Variants in ALDH9A1 observed in about 807,000 individuals in gnomAD.
The protein encoded by ALDH9A1 is aldehyde dehydrogenase 9 family member A1.
Under a neutral mutation model 56.6 loss-of-function variants are expected in ALDH9A1, and 42 were observed. That is an observed-to-expected ratio of 0.74 (90% CI 0.58 to 0.96). ALDH9A1 has a LOEUF of 0.96. ALDH9A1 is among the 40% of genes least tolerant of loss of function. ALDH9A1 has a pLI of 0.00. For missense variants in ALDH9A1, 661 were observed against 651.5 expected, an observed-to-expected ratio of 1.01 and a Z score of -0.16; for synonymous variants, 242 against 236.0, an observed-to-expected ratio of 1.03 and a Z score of -0.23.
chr1:165,663,763 A>T (rs1162488125), intron 10 of ALDH9A1, among the ~76,000 whole-genome samples: 1 of 152,212 alleles, frequency 6.6e-6, no homozygotes, highest in Admixed American at 6.5e-5. Context: ...GAGGTCCCAA[A>T]TATGTGCATT....
intron 4 of ALDH9A1, 123 bp downstream of exon 4, chr1:165,681,984 C>T (rs966127564): frequency 1.6e-5 from 21 of 1,336,642 alleles, no homozygotes; most frequent in Non-Finnish European, 2.1e-5. Flanking sequence ...TTTGAATATC[C>T]CAGAGCAGGC....
In ALDH9A1 at chr1:165,695,384, A is replaced by G; in HGVS notation, c.195T>C (p.Ala65=). The G allele has an allele frequency of 2.5e-6, 4 of 1,610,362 alleles. No individual in the cohort carries two copies. Among genetic ancestry groups the G allele is most frequent in the South Asian group, 1.1e-5 (1 of 90,304 alleles). ...CCTTTTCTCCTGAACATGTGAAAGTAGCTATCACTCGGCCTATAAAGAGCG... is the reference window on the plus strand; with the variant it reads ...CCTTTTCTCCTGAACATGTGAAAGTGGCTATCACTCGGCCTATAAAGAGCG... ...AFEPATGRVI[A]TFTCSGEKEV... is the part of the protein sequence containing the mutation. Residue 65 remains alanine (A), a synonymous_variant, in exon 2 of 11, where the codon GCT becomes GCC. Coordinates refer to ENST00000354775, the MANE Select transcript of ALDH9A1 (RefSeq NM_000696.4).
At chr1:165,683,374 C>T (rs192482394) in intron 2 of ALDH9A1, among the ~76,000 whole-genome samples, 208 of 152,232 alleles carry the variant, frequency 1.4e-3, no homozygotes, top group Admixed American at 2.5e-3. Context: ...GGGGCAAGAC[C>T]GGGCAGGAAT....
At position 165,695,250 on chromosome 1, in the gene ALDH9A1, A is replaced by G. The variant is rs1191958748; in HGVS notation, c.327+2T>C. 6.2e-7 allele frequency: 1 copy of G among 1,602,592 alleles called. No individual in the cohort carries two copies. Among genetic ancestry groups the G allele is most frequent in the Non-Finnish European group, 8.5e-7 (1 of 1,175,950 alleles). ...TCTGGAAGGAAATAAATTGGAACAT[A>G]CCCTTATTATCCTGGCAGCCTCCAA... On this transcript the variant is annotated splice_donor_variant, in intron 2 of 10. Transcript: ENST00000354775. LOFTEE classifies it high-confidence loss of function.
intron 1 of ALDH9A1, 189 bp downstream of exon 1, chr1:165,698,189 C>T (rs556314126): frequency 7.4e-7 from 1 of 1,356,170 alleles, no homozygotes; most frequent in Non-Finnish European, 9.4e-7. Context: ...TTCCTCCCTA[C>T]CCATCCCTGC....
At chr1:165,690,788 G>A (rs539310191) in intron 2 of ALDH9A1, among the ~76,000 whole-genome samples, 48 of 152,306 alleles carry the variant, frequency 3.2e-4, no homozygotes, top group African/African-American at 7.2e-4. Context: ...ATGGAACTGC[G>A]AAGGTGGCAG....
At chr1:165,668,688 T>C (rs1649081043) in intron 8 of ALDH9A1, 2 of 352,878 alleles carry the variant, frequency 5.7e-6, no homozygotes, top group African/African-American at 2.1e-5. Context: ...TTTGAGCTCC[T>C]TGCTTCCAGA....
intron 2 of ALDH9A1, among the ~76,000 whole-genome samples, chr1:165,690,960 G>C (rs1649869276): frequency 6.6e-6 from 1 of 152,206 alleles, no homozygotes; most frequent in African/African-American, 2.4e-5. Context: ...AAAGGCAGCG[G>C]AAACTTCTGC....
intron 2 of ALDH9A1, among the ~76,000 whole-genome samples, chr1:165,691,056 C>T (rs780933089): frequency 6.6e-6 from 1 of 152,196 alleles, no homozygotes; most frequent in African/African-American, 2.4e-5. Context: ...GGACAGACTG[C>T]CTCCTCAAGT....
chr1:165,691,944 A>C (rs901186386), intron 2 of ALDH9A1, among the ~76,000 whole-genome samples: 1 of 152,246 alleles, frequency 6.6e-6, no homozygotes, highest in Non-Finnish European at 1.5e-5. Context: ...GTAATCCATC[A>C]TATAAACAGA....
Position 165,669,423 on chromosome 1 carries a change from C to A in ALDH9A1, c.958G>T (p.Val320Leu), listed in dbSNP as rs957154132. The stretch of plus-strand genomic sequence containing the variant: ...AATTTATCAAGAATTTCTTTCTGCA[C>A]AAATACTCTTGTGCCATTACAGCAA... Reference protein sequence around the residue: ...QVCCNGTRVFVQKEILDKFTE... With the variant: ...QVCCNGTRVFLQKEILDKFTE... Residue 320 changes from valine (V) to leucine (L), a missense_variant, in exon 7 of 11, where the codon GTG becomes TTG. Transcript: ENST00000354775. 1.9e-6 allele frequency: 3 copies of A among 1,613,470 alleles called. No individual in the cohort carries two copies. The highest frequency in any genetic ancestry group is 2.7e-5 in the African/African-American group (2 of 75,000).
At chr1:165,671,134 C>A in intron 6 of ALDH9A1, 1 of 156,814 alleles carries the variant, frequency 6.4e-6, no homozygotes, top group African/African-American at 2.4e-5. Flanking sequence ...AATACCACTT[C>A]TCATCTATCT....
At chr1:165,683,224 T>A in intron 2 of ALDH9A1, 114 bp from the exon 3 acceptor site, 1 of 1,138,026 alleles carries the variant, frequency 8.8e-7, no homozygotes, top group Non-Finnish European at 1.3e-6. Context: ...GCTTTCACTT[T>A]AAATGAAAAG....
chr1:165,690,746 A>G (rs1649862271), intron 2 of ALDH9A1, among the ~76,000 whole-genome samples: 1 of 152,128 alleles, frequency 6.6e-6, no homozygotes, highest in South Asian at 2.1e-4. Context: ...CCACCCATGG[A>G]GCTTTGCTCA....
intron 6 of ALDH9A1, among the ~76,000 whole-genome samples, chr1:165,674,417 C>A (rs1427929767): frequency 6.7e-6 from 1 of 150,222 alleles, no homozygotes; most frequent in Non-Finnish European, 1.5e-5. Flanking sequence ...CAGGGAACAG[C>A]GGCTCATGCC....
chr1:165,692,792 T>A (rs2101757778), intron 2 of ALDH9A1, among the ~76,000 whole-genome samples: 1 of 152,004 alleles, frequency 6.6e-6, no homozygotes, highest in South Asian at 2.1e-4. Context: ...GCTGGAGGCA[T>A]CATGCTACCT....
chr1:165,668,687 C>T, intron 8 of ALDH9A1: 1 of 349,222 alleles, frequency 2.9e-6, no homozygotes, highest in Non-Finnish European at 5.1e-6. Flanking sequence ...TTTTGAGCTC[C>T]TTGCTTCCAG....
chr1:165,690,796 C>T (rs755118368), intron 2 of ALDH9A1, among the ~76,000 whole-genome samples: 1 of 152,176 alleles, frequency 6.6e-6, no homozygotes, highest in Non-Finnish European at 1.5e-5. Context: ...GCGAAGGTGG[C>T]AGTGAAGCTG....
At chr1:165,679,669 T>C in intron 5 of ALDH9A1, 87 bp from the exon 6 acceptor site, 3 of 1,403,794 alleles carry the variant, frequency 2.1e-6, no homozygotes, top group Non-Finnish European at 3.0e-6. Flanking sequence ...TACAAAATCA[T>C]CTTGAACTGT....
Sources: gnomAD v4.1 joint callset for allele counts (sites outside exome capture counted in the v4.1 genomes callset) on GRCh38, gnomAD v4.1.1 for gene constraint, MANE v1.5 for transcripts, NCBI Gene and HGNC (gene_info 2026-07-23, HGNC 2026-07-21) for gene names.